IGF1R: variants seen among roughly 807,000 people sequenced by gnomAD.
The protein encoded by IGF1R is insulin like growth factor 1 receptor, also known as insulin-like growth factor 1 receptor.
A neutral mutation model predicts 144.6 loss-of-function variants in IGF1R; 44 were observed. The ratio of observed to expected loss-of-function variants is 0.30; its 90% CI spans 0.24 to 0.39. IGF1R has a LOEUF of 0.39. IGF1R is among the 10% of genes least tolerant of loss of function. IGF1R has a pLI of 1.00. For synonymous variants in IGF1R, 795 were observed against 722.8 expected (o/e 1.10, Z -1.60); for missense variants, 1,355 against 1,833.7 (o/e 0.74, Z 4.77).
chr15:98,828,995 G>A lies in IGF1R; in HGVS notation c.641-62330G>A, dbSNP rs74034241. ...CCGAAGCACTCAGTTACAACTGTCG[G>A]TCTAATTGCACATTATTCTAATTCA... On this transcript the variant is annotated intron_variant, in intron 2 of 20. Transcript: ENST00000650285. Among the ~76,000 whole-genome samples, 593 of 152,084 alleles carry A rather than the reference G, an allele frequency of 3.9e-3. 2 individuals are homozygous for A. Among genetic ancestry groups the A allele is most frequent in the African/African-American group, 0.014 (566 of 41,448 alleles).
At chr15:98,652,613 T>G (rs1303683342) in intron 1 of IGF1R, among the ~76,000 whole-genome samples, 1 of 152,200 alleles carries the variant, frequency 6.6e-6, no homozygotes, top group Non-Finnish European at 1.5e-5. Flanking sequence ...TAAGGTTGAA[T>G]AGATGAAGCT....
chr15:98,737,036 A>AT (rs2054628115), intron 2 of IGF1R, among the ~76,000 whole-genome samples: 1 of 152,002 alleles, frequency 6.6e-6, no homozygotes, highest in Non-Finnish European at 1.5e-5. Context: ...AAGTCAGTCG[A>AT]TTTTCTGGAA....
At chr15:98,843,654 C>G (rs976288169) in intron 2 of IGF1R, among the ~76,000 whole-genome samples, 1 of 151,984 alleles carries the variant, frequency 6.6e-6, no homozygotes, top group Admixed American at 6.5e-5. Flanking sequence ...AGAAAGCAAC[C>G]CTGAAAGAAG....
intron 2 of IGF1R, among the ~76,000 whole-genome samples, chr15:98,857,673 C>G (rs1219694853): frequency 6.6e-6 from 1 of 152,168 alleles, no homozygotes; most frequent in Non-Finnish European, 1.5e-5. Context: ...CTATGGAGCA[C>G]TTGAAATGTG....
intron 15 of IGF1R, among the ~76,000 whole-genome samples, chr15:98,934,358 T>C (rs956205239): frequency 1.3e-5 from 2 of 152,188 alleles, no homozygotes; most frequent in Non-Finnish European, 2.9e-5. Context: ...GCATAAGAAC[T>C]CTTCCCTCTC....
chr15:98,920,231 A>G (rs2015427079), intron 10 of IGF1R, among the ~76,000 whole-genome samples: 1 of 152,154 alleles, frequency 6.6e-6, no homozygotes, highest in African/African-American at 2.4e-5. Context: ...TTGTTTACCA[A>G]AAAAAATGAT....
chr15:98,865,070 C>T (rs1315664142), intron 2 of IGF1R, among the ~76,000 whole-genome samples: 1 of 152,126 alleles, frequency 6.6e-6, no homozygotes, highest in Non-Finnish European at 1.5e-5. Context: ...GGCTAGGTAT[C>T]AGATCACACA....
chr15:98,853,543 T>G (rs146429637), intron 2 of IGF1R, among the ~76,000 whole-genome samples: 241 of 152,354 alleles, frequency 1.6e-3, no homozygotes, highest in Middle Eastern at 6.8e-3. Flanking sequence ...TTGCTTAGTT[T>G]TTTAAGAGAA....
intron 2 of IGF1R, among the ~76,000 whole-genome samples, chr15:98,815,837 C>T (rs937249436): frequency 3.3e-5 from 5 of 152,074 alleles, no homozygotes; most frequent in African/African-American, 1.2e-4. Flanking sequence ...CCTTCCAAGC[C>T]CTTCTTCTTT....
intron 2 of IGF1R, among the ~76,000 whole-genome samples, chr15:98,713,668 C>T (rs1048994087): frequency 6.6e-6 from 1 of 152,170 alleles, no homozygotes; most frequent in Non-Finnish European, 1.5e-5. Flanking sequence ...TCCTGAGTAC[C>T]TGTGGTTTTC....
chr15:98,875,191 CA>C (rs1366255890), intron 2 of IGF1R, among the ~76,000 whole-genome samples: 1 of 139,744 alleles, frequency 7.2e-6, no homozygotes, highest in East Asian at 2.1e-4. Flanking sequence ...AAAGTTCCTA[CA>C]AAGCTTATTT....
chr15:98,661,688 G>A (rs1457967264), intron 1 of IGF1R, among the ~76,000 whole-genome samples: 1 of 152,158 alleles, frequency 6.6e-6, no homozygotes, highest in African/African-American at 2.4e-5. Context: ...TCCCACGCAT[G>A]GAGGCATGTT....
intron 2 of IGF1R, among the ~76,000 whole-genome samples, chr15:98,767,762 C>T (rs976139949): frequency 1.3e-5 from 2 of 152,182 alleles, no homozygotes; most frequent in African/African-American, 4.8e-5. Context: ...TTTCATCTGA[C>T]AGTGGGTATG....
chr15:98,757,802 T>A (rs1596274378), intron 2 of IGF1R, among the ~76,000 whole-genome samples: 2 of 152,244 alleles, frequency 1.3e-5, no homozygotes, highest in East Asian at 3.8e-4. Flanking sequence ...ACTGTGATAA[T>A]GCATACATTT....
chr15:98,751,136 T>C (rs948894000), intron 2 of IGF1R, among the ~76,000 whole-genome samples: 1 of 152,204 alleles, frequency 6.6e-6, no homozygotes, highest in South Asian at 2.1e-4. Flanking sequence ...TAGTTGAGCC[T>C]CTGATCGTTA....
chr15:98,879,180 CTCTT>C (rs1259167969), intron 2 of IGF1R, among the ~76,000 whole-genome samples: 2 of 152,156 alleles, frequency 1.3e-5, no homozygotes, highest in Non-Finnish European at 2.9e-5. Flanking sequence ...TAACTTATCT[CTCTT>C]TCCCAAATGT....
At chr15:98,956,835 C>G (rs12440962) in intron 20 of IGF1R, among the ~76,000 whole-genome samples, 1 of 151,998 alleles carries the variant, frequency 6.6e-6, no homozygotes, top group African/African-American at 2.4e-5. Flanking sequence ...CGTGGTGGTT[C>G]TGGGTTCTGG....
chr15:98,772,019 G>C (rs1462890521), intron 2 of IGF1R, among the ~76,000 whole-genome samples: 2 of 152,172 alleles, frequency 1.3e-5, no homozygotes, highest in Non-Finnish European at 2.9e-5. Flanking sequence ...GGAAAGCCCA[G>C]CTTGCACAGC....
At chr15:98,757,891 C>CTTTTCA (rs2055194733) in intron 2 of IGF1R, among the ~76,000 whole-genome samples, 1 of 152,196 alleles carries the variant, frequency 6.6e-6, no homozygotes, top group Admixed American at 6.5e-5. Flanking sequence ...GTTAATTGAA[C>CTTTTCA]AAGTCCTTTG....
Sources: allele counts gnomAD v4.1 joint callset (sites outside exome capture counted in the v4.1 genomes callset), GRCh38; gene constraint gnomAD v4.1.1; transcripts MANE v1.5; gene names NCBI Gene and HGNC (gene_info 2026-07-23, HGNC 2026-07-21).